Variants in PAK1 observed in about 807,000 individuals in gnomAD.
PAK1 encodes serine/threonine-protein kinase PAK 1.
In PAK1, 29 loss-of-function variants were observed where a neutral mutation model predicts 67.4. The ratio of observed to expected loss-of-function variants is 0.43; its 90% CI spans 0.32 to 0.59. The LOEUF (loss-of-function observed/expected upper bound fraction) is 0.59, where lower values mean the gene tolerates loss of function less well. Among genes scored for constraint, PAK1 ranks in the 20% least tolerant of loss-of-function variants. PAK1 has a pLI of 0.07. For synonymous variants in PAK1, 223 were observed against 237.4 expected (o/e 0.94, Z 0.56); for missense variants, 337 against 670.7 (o/e 0.50, Z 5.50).
chr11:77,487,478 G>A, the PAK1 span, among the ~76,000 whole-genome samples: 1 of 151,766 alleles, frequency 6.6e-6, no homozygotes, highest in Non-Finnish European at 1.5e-5. Context: ...GCCACAGTAG[G>A]GTAGAGCACC....
At chr11:77,498,481 GAC>G in the PAK1 span, among the ~76,000 whole-genome samples, 14 of 146,560 alleles carry the variant, frequency 9.6e-5, no homozygotes, top group Admixed American at 6.8e-5. Context: ...CTCTTTCTCC[GAC>G]ACACACACAC....
the PAK1 span, among the ~76,000 whole-genome samples, chr11:77,518,224 G>A: frequency 6.6e-6 from 1 of 152,096 alleles, no homozygotes; most frequent in Admixed American, 6.5e-5. Flanking sequence ...GGCTTAGCAA[G>A]TTATTTAATC....
intron 1 of PAK1, among the ~76,000 whole-genome samples, chr11:77,421,018 A>G (rs1275344130): frequency 6.6e-6 from 1 of 152,212 alleles, no homozygotes; most frequent in Non-Finnish European, 1.5e-5. Flanking sequence ...TATTTAAAAC[A>G]TGTCTCAGAT....
chr11:77,353,675 C>T (rs1945595667), intron 7 of PAK1, 76 bp from the exon 8 acceptor site: 1 of 1,147,936 alleles, frequency 8.7e-7, no homozygotes, highest in Non-Finnish European at 1.3e-6. Context: ...TTCCCCAACC[C>T]CTGTAGCTGG....
At chr11:77,396,992 C>T (rs1951913935) in intron 1 of PAK1, 1 of 152,226 alleles carries the variant, frequency 6.6e-6, no homozygotes, top group Non-Finnish European at 1.5e-5. Context: ...AAACAACAAA[C>T]ATGCTCAACT....
chr11:77,422,864 C>T (rs924583465), intron 1 of PAK1, among the ~76,000 whole-genome samples: 5 of 152,048 alleles, frequency 3.3e-5, no homozygotes, highest in Non-Finnish European at 7.4e-5. Flanking sequence ...GCTACAGTAG[C>T]CTAGTAACCT....
At chr11:77,343,765 C>G in intron 10 of PAK1, 54 bp downstream of exon 10, 1 of 1,047,388 alleles carries the variant, frequency 9.5e-7, no homozygotes, top group African/African-American at 1.6e-5. Flanking sequence ...AACAGCTTCA[C>G]CACCAATCAG....
chr11:77,405,122 G>C lies in PAK1; in HGVS notation c.-21-12581C>G, dbSNP rs565355746. Among the ~76,000 whole-genome samples the C allele has an allele frequency of 2.0e-5, 3 of 152,290 alleles. No individual in the cohort carries two copies. In the South Asian group the frequency reaches 6.2e-4, roughly 32 times the overall value. The stretch of plus-strand genomic sequence containing the variant: ...CTGGAAAAGCATTTTAAGCGAAGGA[G>C]TAATAAGTACAAATGTCTTAGATGA... On this transcript the variant is annotated intron_variant, in intron 1 of 14. Coordinates refer to ENST00000356341, the MANE Select transcript of PAK1 (RefSeq NM_002576.5).
chr11:77,517,235 A>G, the PAK1 span, among the ~76,000 whole-genome samples: 1 of 152,302 alleles, frequency 6.6e-6, no homozygotes, highest in South Asian at 2.1e-4. Context: ...TTTAGCACTC[A>G]GTGGAAAAAG....
intron 1 of PAK1, among the ~76,000 whole-genome samples, chr11:77,455,457 G>A (rs946343449): frequency 1.3e-5 from 2 of 152,198 alleles, no homozygotes; most frequent in Non-Finnish European, 2.9e-5. Flanking sequence ...AACTGCAGCA[G>A]AGGCAGCATA....
intron 1 of PAK1, among the ~76,000 whole-genome samples, chr11:77,393,286 AG>A (rs35342269): frequency 0.029 from 1,239 of 42,988 alleles, 12 homozygotes; most frequent in African/African-American, 0.087. Context: ...AAAAAAAAAA[AG>A]AGAGAGAGAG....
intron 2 of PAK1, among the ~76,000 whole-genome samples, chr11:77,382,653 C>G (rs1180472287): frequency 6.6e-6 from 1 of 152,158 alleles, no homozygotes; most frequent in Non-Finnish European, 1.5e-5. Context: ...CCCTGTACTT[C>G]TGAATTTCAA....
intron 1 of PAK1, among the ~76,000 whole-genome samples, chr11:77,462,806 TG>T (rs1282508313): frequency 7.0e-6 from 1 of 142,512 alleles, no homozygotes; most frequent in African/African-American, 2.7e-5. Flanking sequence ...CACTCCAGCC[TG>T]GGCAACAGAG....
chr11:77,325,625 T>C (rs1161574578), intron 14 of PAK1, among the ~76,000 whole-genome samples: 1 of 152,194 alleles, frequency 6.6e-6, no homozygotes, highest in Non-Finnish European at 1.5e-5. Flanking sequence ...TAGCATATAG[T>C]ATTTACACAT....
intron 2 of PAK1, among the ~76,000 whole-genome samples, chr11:77,389,569 T>C (rs907707214): frequency 7.2e-5 from 11 of 152,230 alleles, no homozygotes; most frequent in Non-Finnish European, 1.2e-4. Context: ...TGTGAAGTGG[T>C]ATCTCATTGT....
the PAK1 span, among the ~76,000 whole-genome samples, chr11:77,490,604 G>C: frequency 2.0e-5 from 3 of 152,008 alleles, no homozygotes; most frequent in South Asian, 2.1e-4. Context: ...CCCTCTGCCC[G>C]GCCGCCACCC....
chr11:77,485,576 A>C, the PAK1 span, among the ~76,000 whole-genome samples: 2 of 152,126 alleles, frequency 1.3e-5, no homozygotes, highest in African/African-American at 4.8e-5. Flanking sequence ...CCTGGGTTCA[A>C]GCAATTCTCC....
In PAK1 at chr11:77,322,354, A is replaced by T. The variant is rs1243033856; in HGVS notation, c.*920T>A. On this transcript the variant is annotated 3_prime_UTR_variant, in exon 15 of 15. Coordinates refer to ENST00000356341, the MANE Select transcript of PAK1 (RefSeq NM_002576.5). ...GGAGACTCTTTATTGTGACCAAAAGATTTGGACCATTAGAAGATCCAAGTT... is the reference window on the plus strand; with the variant it reads ...GGAGACTCTTTATTGTGACCAAAAGTTTTGGACCATTAGAAGATCCAAGTT... 5.1e-6 allele frequency: 1 copy of T among 195,522 alleles called. No individual in the cohort carries two copies. Among genetic ancestry groups the T allele is most frequent in the Non-Finnish European group, 1.1e-5 (1 of 94,098 alleles). The allele number at this position is 195,522 out of a possible 1,614,324, so 12.1% of individuals were successfully genotyped here.
At chr11:77,347,387 T>C (rs1359992675) in intron 9 of PAK1, among the ~76,000 whole-genome samples, 2 of 152,170 alleles carry the variant, frequency 1.3e-5, no homozygotes, top group Non-Finnish European at 2.9e-5. Context: ...ATCCAGTCCC[T>C]GGTAATTGCT....
Sources: allele counts gnomAD v4.1 joint callset (sites outside exome capture counted in the v4.1 genomes callset), GRCh38; gene constraint gnomAD v4.1.1; transcripts MANE v1.5; gene names NCBI Gene and HGNC (gene_info 2026-07-23, HGNC 2026-07-21).